The following CELSR1 variants were observed in gnomAD, a reference collection of about 807,000 sequenced individuals.
The protein encoded by CELSR1 is adhesion G protein-coupled receptor C1.
A neutral mutation model predicts 249.1 loss-of-function variants in CELSR1; 110 were observed. The ratio of observed to expected loss-of-function variants is 0.44; its 90% CI spans 0.38 to 0.52. The LOEUF (loss-of-function observed/expected upper bound fraction) is 0.52, where lower values mean the gene tolerates loss of function less well. CELSR1 is among the 20% of genes least tolerant of loss of function. CELSR1 has a pLI of 0.00. For synonymous variants in CELSR1, 2,113 were observed against 1,900.0 expected (o/e 1.11, Z -2.92); for missense variants, 4,109 against 4,296.4 (o/e 0.96, Z 1.22).
intron 1 of CELSR1, among the ~76,000 whole-genome samples, chr22:46,502,869 T>C (rs548412985): frequency 3.1e-4 from 47 of 152,198 alleles, no homozygotes; most frequent in African/African-American, 1.1e-3. Context: ...GCATGCTCCG[T>C]AAGAGGTGGT....
rs2147731962 is a variant in CELSR1, at chr22:46,500,859, A to T, written c.3544+32768T>A. On this transcript the variant is annotated intron_variant, in intron 1 of 34. Coordinates refer to ENST00000674500, the MANE Select transcript of CELSR1 (RefSeq NM_001378328.1). The surrounding 1 kb of genome is among the most constrained non-coding windows in gnomAD (Gnocchi z 4.9). ...CAGAACATCCCCCATCTGCGGGCAGAGCTGTCCTTGTAAGCACGCCCATGA... is the reference window on the plus strand; with the variant it reads ...CAGAACATCCCCCATCTGCGGGCAGTGCTGTCCTTGTAAGCACGCCCATGA... Among the ~76,000 whole-genome samples, 1 of 152,160 alleles carries T rather than the reference A, an allele frequency of 6.6e-6. No individual in the cohort carries two copies. The highest frequency in any genetic ancestry group is 1.9e-4 in the East Asian group (1 of 5,172).
intron 20 of CELSR1, among the ~76,000 whole-genome samples, chr22:46,383,029 AG>A (rs1602052800): frequency 6.6e-6 from 1 of 152,322 alleles, no homozygotes; most frequent in East Asian, 1.9e-4. Flanking sequence ...AAATGTGATC[AG>A]GGTTGAAAAT....
Position 46,389,414 on chromosome 22 carries a change from T to C in CELSR1, c.6431A>G (p.His2144Arg), listed in dbSNP as rs2079065043. The change falls in exon 18 of 35, where the codon CAC (histidine) becomes CGC (arginine). Residue 2144 changes from histidine to arginine, a missense_variant. By Grantham distance (29) the His-to-Arg change is conservative. Around this residue, in one of 7 missense-constraint regions of CELSR1, gnomAD observed 1,805 missense variants for 1,831.6 expected, o/e 0.99. Transcript: ENST00000674500. Reference protein sequence around the residue: ...LVRALRSATQHTGTLFGNDVR... With the variant: ...LVRALRSATQRTGTLFGNDVR... ...GTCATTGCCAAAGAGCGTGCCCGTG[T>C]GCTGTGTAGCACTGCGCAGCGCCCT... The C allele has an allele frequency of 6.2e-7, 1 of 1,612,586 alleles. No individual in the cohort carries two copies. The highest frequency in any genetic ancestry group is 8.5e-7 in the Non-Finnish European group (1 of 1,179,990).
At chr22:46,515,833 A>T (rs2080621376) in intron 1 of CELSR1, among the ~76,000 whole-genome samples, 1 of 152,244 alleles carries the variant, frequency 6.6e-6, no homozygotes, top group South Asian at 2.1e-4. Flanking sequence ...ACTGACCAGC[A>T]TCCACAGCAC....
intron 1 of CELSR1, among the ~76,000 whole-genome samples, chr22:46,474,638 C>A (rs1278141463): frequency 6.6e-6 from 1 of 152,072 alleles, no homozygotes; most frequent in African/African-American, 2.4e-5. Context: ...ATATTATTAA[C>A]CATAGTCATC....
At chr22:46,367,172 C>T in intron 28 of CELSR1, 54 bp from the exon 29 acceptor site, 24 of 1,582,664 alleles carry the variant, frequency 1.5e-5, no homozygotes, top group South Asian at 3.4e-5. Flanking sequence ...AGGCACCTGC[C>T]CTTAGGCGCC....
chr22:46,372,235 T>A, intron 25 of CELSR1, among the ~76,000 whole-genome samples: 1 of 127,404 alleles, frequency 7.8e-6, no homozygotes. Context: ...CATCCATGCA[T>A]CCACTCACTC....
rs1032030224 is a variant in CELSR1 at position 46,361,553 on chromosome 22, A to G, written c.*1670T>C. On this transcript the variant is annotated 3_prime_UTR_variant, in exon 35 of 35. Coordinates refer to ENST00000674500, the MANE Select transcript of CELSR1 (RefSeq NM_001378328.1). ...ACGTTTAAAGGGACTAGAGTTTTTT[A>G]TCTTCGAAAGACCACTCACCTGGTA... 2.0e-4 allele frequency: 30 copies of G among 152,358 alleles called. No individual in the cohort carries two copies. The highest frequency in any genetic ancestry group is 7.0e-4 in the African/African-American group (29 of 41,578). The allele number at this position is 152,358 out of a possible 1,614,324, so 9.4% of individuals were successfully genotyped here. A position where few individuals can be genotyped will look rare whatever the true frequency, so the allele number is the denominator to read the frequency against.
At chr22:46,420,030 CGACACT>C (rs889737549) in intron 5 of CELSR1, among the ~76,000 whole-genome samples, 17 of 151,698 alleles carry the variant, frequency 1.1e-4, no homozygotes, top group African/African-American at 3.4e-4. Context: ...GTGCACTTAC[CGACACT>C]CACACTCAAA....
chr22:46,384,324 C>T (rs1351198025), intron 20 of CELSR1, among the ~76,000 whole-genome samples: 4 of 152,222 alleles, frequency 2.6e-5, no homozygotes, highest in African/African-American at 9.7e-5. Context: ...GGTTCAGGTT[C>T]TGGGGCATTT....
At chr22:46,477,844 C>CG (rs889408458) in intron 1 of CELSR1, among the ~76,000 whole-genome samples, 13 of 152,174 alleles carry the variant, frequency 8.5e-5, no homozygotes, top group African/African-American at 2.9e-4. Context: ...GAGGAACCCC[C>CG]GGGCTTCAGC....
At chr22:46,426,094 T>C (rs1020722673) in intron 5 of CELSR1, among the ~76,000 whole-genome samples, 10 of 103,910 alleles carry the variant, frequency 9.6e-5, no homozygotes, top group Non-Finnish European at 1.7e-4. Context: ...AGTCGGCTAG[T>C]ACCATCAGGG....
Position 46,396,113 on chromosome 22 carries a change from T to C in CELSR1, c.5843+492A>G, listed in dbSNP as rs2079144967. On this transcript the variant is annotated intron_variant, in intron 13 of 34. Transcript: ENST00000674500. This position sits in a 1 kb window ranked among gnomAD's most constrained non-coding sequence, Gnocchi z 6.4. Reference sequence around the variant, plus strand: ...ATGGGGTTAGTTTGAGACGTCCAAATTGATTCTCATTGCCCAAGCGTGGTG... The same window carrying C: ...ATGGGGTTAGTTTGAGACGTCCAAACTGATTCTCATTGCCCAAGCGTGGTG... 6.6e-6 allele frequency among the ~76,000 whole-genome samples: 1 copy of C among 152,152 alleles called. No individual in the cohort carries two copies. The highest frequency in any genetic ancestry group is 6.5e-5 in the Admixed American group (1 of 15,272).
At chr22:46,461,731 C>A (rs896286594) in intron 2 of CELSR1, among the ~76,000 whole-genome samples, 22 of 152,250 alleles carry the variant, frequency 1.4e-4, no homozygotes, top group African/African-American at 5.3e-4. Context: ...GTAAAGATGG[C>A]GTCCTTGCCA....
intron 1 of CELSR1, among the ~76,000 whole-genome samples, chr22:46,491,934 G>A (rs79272284): frequency 0.015 from 2,325 of 152,292 alleles, 27 homozygotes; most frequent in Non-Finnish European, 0.025. Context: ...ACGATGTCGC[G>A]CCTCTCTATT....
rs1272058726 is a variant in CELSR1, at chr22:46,433,095, C to G, written c.4611+298G>C. Among the ~76,000 whole-genome samples, 1 of 152,008 alleles carries G rather than the reference C, an allele frequency of 6.6e-6. No individual in the cohort carries two copies. The highest frequency in any genetic ancestry group is 2.4e-5 in the African/African-American group (1 of 41,382). ...AGGCTGGAATACAGTGGCACGATCTCGGCTCACTGTAACTTCTGCCTCCCA... is the reference window on the plus strand; with the variant it reads ...AGGCTGGAATACAGTGGCACGATCTGGGCTCACTGTAACTTCTGCCTCCCA... On this transcript the variant is annotated intron_variant, in intron 5 of 34. Coordinates refer to ENST00000674500, the MANE Select transcript of CELSR1 (RefSeq NM_001378328.1). The surrounding 1 kb of genome is among the most constrained non-coding windows in gnomAD (Gnocchi z 5.7).
intron 2 of CELSR1, among the ~76,000 whole-genome samples, chr22:46,461,328 A>C (rs1355186827): frequency 1.3e-5 from 2 of 152,200 alleles, no homozygotes; most frequent in East Asian, 3.8e-4. Context: ...GCCGTTCCCC[A>C]GTCATTAGTT....
chr22:46,461,360 T>A (rs1030648435), intron 2 of CELSR1, among the ~76,000 whole-genome samples: 14 of 152,228 alleles, frequency 9.2e-5, no homozygotes, highest in African/African-American at 2.4e-4. Context: ...ACTCTCCCGA[T>A]GAAAAGAAAA....
At position 46,484,708 on chromosome 22, in the gene CELSR1, C is replaced by T. The variant is rs116638236; in HGVS notation, c.3545-20363G>A. Among the ~76,000 whole-genome samples, 1,449 of 137,540 alleles carry T rather than the reference C, an allele frequency of 0.011. 47 individuals carry two copies. The highest frequency in any genetic ancestry group is 0.037 in the African/African-American group (1,385 of 37,606). The allele number at this position is 137,540 out of a possible 152,430, so 90.2% of individuals were successfully genotyped here. ...TGGCCATCAGAGATGCTGGAGTGAG[C>T]GCTCACAGGGACCCCGCCCAGGTGC... On this transcript the variant is annotated intron_variant, in intron 1 of 34. Coordinates refer to ENST00000674500, the MANE Select transcript of CELSR1 (RefSeq NM_001378328.1). The surrounding 1 kb of genome is among the most constrained non-coding windows in gnomAD (Gnocchi z 4.5).
Sources: gnomAD v4.1 joint callset for allele counts (sites outside exome capture counted in the v4.1 genomes callset) on GRCh38, gnomAD v4.1.1 for gene constraint, gnomAD v4.1.1 regional missense constraint, Gnocchi (gnomAD v3.1) non-coding constraint, MANE v1.5 for transcripts, NCBI Gene and HGNC (gene_info 2026-07-23, HGNC 2026-07-21) for gene names.